ARHGAP32: variants seen among roughly 807,000 people sequenced by gnomAD.
ARHGAP32 encodes the protein Rho GTPase activating protein 32.
In ARHGAP32, 51 loss-of-function variants were observed where a neutral mutation model predicts 186.5. That is an observed-to-expected ratio of 0.27 (90% CI 0.22 to 0.35). The LOEUF is 0.35. ARHGAP32 is among the 10% of genes least tolerant of loss of function. The probability of loss-of-function intolerance (pLI) is 1.00; values close to 1 mark genes in which losing one functional copy is unlikely to be tolerated. For synonymous variants in ARHGAP32, 950 were observed against 964.3 expected (o/e 0.99, Z 0.27); for missense variants, 2,186 against 2,623.5 (o/e 0.83, Z 3.64).
intron 3 of ARHGAP32, among the ~76,000 whole-genome samples, chr11:129,124,588 A>G (rs1243275906): frequency 6.6e-6 from 1 of 152,186 alleles, no homozygotes; most frequent in East Asian, 1.9e-4. Context: ...AGAAAATGAC[A>G]TAAGTTGCTT....
At chr11:129,107,212 C>A (rs910907290) in intron 5 of ARHGAP32, among the ~76,000 whole-genome samples, 3 of 152,128 alleles carry the variant, frequency 2.0e-5, no homozygotes, top group Non-Finnish European at 4.4e-5. Context: ...TCCAGCAAAA[C>A]TATCCTTCAA....
intron 11 of ARHGAP32, among the ~76,000 whole-genome samples, chr11:129,036,425 G>A (rs1225042936): frequency 7.1e-6 from 1 of 140,588 alleles, no homozygotes; most frequent in African/African-American, 2.6e-5. Context: ...GCACTTGATT[G>A]ATACTAACAC....
At chr11:129,053,032 C>A (rs959458339) in intron 10 of ARHGAP32, among the ~76,000 whole-genome samples, 9 of 151,798 alleles carry the variant, frequency 5.9e-5, no homozygotes, top group Non-Finnish European at 8.8e-5. Flanking sequence ...ACATATGTAA[C>A]AAACCTGCAC....
intron 1 of ARHGAP32, among the ~76,000 whole-genome samples, chr11:129,270,377 T>C (rs920391266): frequency 2.6e-5 from 4 of 152,006 alleles, no homozygotes; most frequent in Admixed American, 1.3e-4. Flanking sequence ...GAGGGATGAA[T>C]AGCCAAATCA....
rs1942580003 is a variant in ARHGAP32 at position 129,123,367 on chromosome 11, C to T, written c.444+79G>A. 3.4e-6 allele frequency: 4 copies of T among 1,174,758 alleles called. No individual in the cohort carries two copies. The Admixed American group carries it at 6.2e-5, about 18-fold the overall frequency. 72.8% of individuals were successfully genotyped at this position (1,174,758 alleles called of 1,614,324 possible). On this transcript the variant is annotated intron_variant, in intron 5 of 22. Coordinates refer to ENST00000682385, the MANE Select transcript of ARHGAP32 (RefSeq NM_001378024.1). The surrounding 1 kb of genome is among the most constrained non-coding windows in gnomAD (Gnocchi z 4.6). ...ACTTCAAAGTGTCATCTATTAGATA[C>T]AGATATATAGATAAGCATCTAGATA...
intron 6 of ARHGAP32, among the ~76,000 whole-genome samples, chr11:129,082,875 C>A (rs651731): frequency 6.6e-6 from 1 of 151,676 alleles, no homozygotes; most frequent in East Asian, 1.9e-4. Context: ...AATAAATCAG[C>A]AAGACAAAAC....
In ARHGAP32 at chr11:128,973,296, A is replaced by G; in HGVS notation, c.3210T>C (p.Thr1070=). Residue 1070 remains threonine (T), a synonymous_variant, in exon 22 of 23, where the codon ACT becomes ACC. Coordinates refer to ENST00000682385, the MANE Select transcript of ARHGAP32 (RefSeq NM_001378024.1). The stretch of plus-strand genomic sequence containing the variant: ...AGGTCCCTGGTCTCTTCAATGACTG[A>G]GTTGAGGCTTGCTGTGCGGACTCAG... ...ALAESAQQAS[T]QSLKRPGTSQ... The G allele has an allele frequency of 6.2e-7, 1 of 1,614,160 alleles. No homozygotes were observed.
chr11:128,995,692 AGCTGGGTGTGGTGGT>A (rs1441303459), intron 12 of ARHGAP32, among the ~76,000 whole-genome samples: 1 of 152,174 alleles, frequency 6.6e-6, no homozygotes, highest in Non-Finnish European at 1.5e-5. Flanking sequence ...TACAAAAATT[AGCTGGGTGTGGTGGT>A]GCATGCCTAT....
chr11:129,012,491 A>G (rs980668403), intron 11 of ARHGAP32, among the ~76,000 whole-genome samples: 2 of 152,164 alleles, frequency 1.3e-5, no homozygotes, highest in African/African-American at 4.8e-5. Flanking sequence ...ATTCCTTATC[A>G]AAACAAACCC....
intron 1 of ARHGAP32, among the ~76,000 whole-genome samples, chr11:129,233,349 GTA>G (rs1944884278): frequency 2.0e-5 from 3 of 152,076 alleles, no homozygotes; most frequent in Admixed American, 6.6e-5. Context: ...ATTTACTTTT[GTA>G]TATGTTTGAG....
At chr11:129,077,734 T>G (rs140342900) in intron 6 of ARHGAP32, among the ~76,000 whole-genome samples, 3 of 152,070 alleles carry the variant, frequency 2.0e-5, no homozygotes, top group African/African-American at 7.2e-5. Context: ...ACATAATCCC[T>G]TGGGAACTCC....
chr11:129,110,222 T>C (rs1229096663), intron 5 of ARHGAP32, among the ~76,000 whole-genome samples: 1 of 152,172 alleles, frequency 6.6e-6, no homozygotes, highest in Non-Finnish European at 1.5e-5. Flanking sequence ...ATGTATATTT[T>C]TGGCAACTTT....
rs1451530040 is a variant in ARHGAP32 at position 129,033,576 on chromosome 11, G to A, written c.1045+7352C>T. Among the ~76,000 whole-genome samples the A allele has an allele frequency of 3.9e-5, 6 of 152,056 alleles. No homozygotes were observed. The East Asian group carries it at 1.2e-3, about 29-fold the overall frequency. On this transcript the variant is annotated intron_variant, in intron 11 of 22. Coordinates refer to ENST00000682385, the MANE Select transcript of ARHGAP32 (RefSeq NM_001378024.1). ...TAATCTGCCCTTTCACTGTCTTAAG[G>A]GCATATTATGATAAAGTTCTTCCTT... is the stretch of plus-strand genomic sequence containing the variant.
rs768877437 is a variant in ARHGAP32 at position 128,968,266 on chromosome 11, G to C, written c.*641C>G. 6.6e-6 allele frequency: 1 copy of C among 152,064 alleles called. No homozygotes were observed. Among genetic ancestry groups the C allele is most frequent in the Non-Finnish European group, 1.5e-5 (1 of 68,012 alleles). 9.4% of individuals were successfully genotyped at this position (152,064 alleles called of 1,614,324 possible). A position where few individuals can be genotyped will look rare whatever the true frequency, so the allele number is the denominator to read the frequency against. On this transcript the variant is annotated 3_prime_UTR_variant, in exon 23 of 23. Transcript: ENST00000682385. ...AGTATGGTTCAGCCTGAGTCTAAGT[G>C]GTCTGGTGTTTTATGATGACTCTAC...
intron 1 of ARHGAP32, among the ~76,000 whole-genome samples, chr11:129,260,303 T>A (rs1945305606): frequency 6.6e-6 from 1 of 152,204 alleles, no homozygotes. Flanking sequence ...TCTTATGATT[T>A]CTTATCATAA....
At position 129,130,972 on chromosome 11, in the gene ARHGAP32, C is replaced by CAT. The variant is rs543545573; in HGVS notation, c.226-6080_226-6079dup. On this transcript the variant is annotated intron_variant, in intron 2 of 22. Coordinates refer to ENST00000682385, the MANE Select transcript of ARHGAP32 (RefSeq NM_001378024.1). The stretch of plus-strand genomic sequence containing the variant: ...AGCAGAATCAGTGAATAAATTATGG[C>CAT]ATACATATATATGCAATGGAATTCT... Among the ~76,000 whole-genome samples the CAT allele has an allele frequency of 9.1e-3, 1,386 of 151,544 alleles. 19 individuals carry two copies. Among genetic ancestry groups the CAT allele is most frequent in the African/African-American group, 0.027 (1,094 of 41,240 alleles).
chr11:129,096,521 C>T (rs911354651), intron 5 of ARHGAP32, among the ~76,000 whole-genome samples: 1 of 151,992 alleles, frequency 6.6e-6, no homozygotes, highest in African/African-American at 2.4e-5. Context: ...CTCCCTATAC[C>T]CCCCCGGCCC....
Position 128,981,515 on chromosome 11 carries a change from T to C in ARHGAP32, c.1681A>G (p.Met561Val), listed in dbSNP as rs752955269. The C allele has an allele frequency of 1.2e-6, 2 of 1,614,102 alleles. No individual in the cohort carries two copies. The highest frequency in any genetic ancestry group is 8.5e-7 in the Non-Finnish European group (1 of 1,179,964). Residue 561 changes from methionine (M) to valine (V), a missense_variant, in exon 17 of 23, where the codon ATG (methionine) becomes GTG (valine). Around this residue, in one of 5 missense-constraint regions of ARHGAP32, gnomAD observed 308 missense variants for 596.5 expected, o/e 0.52. Coordinates refer to ENST00000682385, the MANE Select transcript of ARHGAP32 (RefSeq NM_001378024.1). ...SACFSGTAAF[M>V]EVRIQSVVVE... The stretch of plus-strand genomic sequence containing the variant: ...ACCACAGACTGAATCCTCACTTCCA[T>C]GAAAGCTGCTGTTCCACTGAAGCAG...
At chr11:129,219,617 T>C (rs868200179) in intron 1 of ARHGAP32, among the ~76,000 whole-genome samples, 11 of 152,314 alleles carry the variant, frequency 7.2e-5, no homozygotes, top group Middle Eastern at 3.4e-3. Flanking sequence ...TAGTCTCTAT[T>C]TTTCTGGCCC....
Sources: allele counts gnomAD v4.1 joint callset (sites outside exome capture counted in the v4.1 genomes callset), GRCh38; gene constraint gnomAD v4.1.1; regional missense constraint gnomAD v4.1.1; non-coding constraint Gnocchi (gnomAD v3.1); transcripts MANE v1.5; gene names NCBI Gene and HGNC (gene_info 2026-07-23, HGNC 2026-07-21).